ARHGAP42: variants seen among roughly 807,000 people sequenced by gnomAD.
The protein encoded by ARHGAP42 is Rho GTPase activating protein 42.
ARHGAP42 carries 63 observed loss-of-function variants against 125.0 expected under a neutral mutation model. The ratio of observed to expected loss-of-function variants is 0.50; its 90% CI spans 0.41 to 0.62. ARHGAP42 has a LOEUF of 0.62. Among genes scored for constraint, ARHGAP42 ranks in the 20% least tolerant of loss-of-function variants. ARHGAP42 has a pLI of 0.00. For missense variants in ARHGAP42, 766 were observed against 1,024.2 expected, an observed-to-expected ratio of 0.75 and a Z score of 3.44; for synonymous variants, 339 against 351.0, an observed-to-expected ratio of 0.97 and a Z score of 0.38.
chr11:100,988,689 C>CTATT (rs200839662), intron 23 of ARHGAP42, 24 bp from the exon 24 acceptor site: 119 of 1,502,012 alleles, frequency 7.9e-5, no homozygotes, highest in Non-Finnish European at 1.0e-4. Context: ...TGACTGAGTG[C>CTATT]TATTTATTTA....
chr11:100,899,200 T>A (rs977163249), intron 4 of ARHGAP42, among the ~76,000 whole-genome samples: 3 of 152,266 alleles, frequency 2.0e-5, no homozygotes, highest in Non-Finnish European at 4.4e-5. Context: ...CACTGTGGTC[T>A]GAGAGACAGT....
At chr11:100,978,891 T>A (rs1591336962) in intron 21 of ARHGAP42, 96 bp from the exon 22 acceptor site, 2 of 1,291,470 alleles carry the variant, frequency 1.5e-6, no homozygotes, top group East Asian at 5.1e-5. Context: ...TTCTCAACCA[T>A]TTTTTGTCTT....
chr11:100,695,413 C>T (rs1053390580), intron 1 of ARHGAP42, among the ~76,000 whole-genome samples: 1 of 152,160 alleles, frequency 6.6e-6, no homozygotes, highest in African/African-American at 2.4e-5. Flanking sequence ...AAGCTATTCT[C>T]CTGCCTCAGC....
At chr11:100,727,271 T>C (rs1485517271) in intron 1 of ARHGAP42, among the ~76,000 whole-genome samples, 5 of 152,198 alleles carry the variant, frequency 3.3e-5, no homozygotes, top group Admixed American at 1.3e-4. Flanking sequence ...ATAATTTAAA[T>C]ATATATATGG....
At chr11:100,799,237 C>T (rs987357818) in intron 3 of ARHGAP42, among the ~76,000 whole-genome samples, 1 of 152,138 alleles carries the variant, frequency 6.6e-6, no homozygotes, top group African/African-American at 2.4e-5. Context: ...AATGTTCTGG[C>T]TGGTGGTGGG....
chr11:100,795,612 G>C (rs1438921631), intron 3 of ARHGAP42, among the ~76,000 whole-genome samples: 2 of 152,156 alleles, frequency 1.3e-5, no homozygotes, highest in Admixed American at 1.3e-4. Context: ...GGAGAATTTT[G>C]CTAGGCTGGG....
chr11:100,965,619 C>G, intron 16 of ARHGAP42, 52 bp from the exon 17 acceptor site: 1 of 1,405,780 alleles, frequency 7.1e-7, no homozygotes, highest in Non-Finnish European at 9.8e-7. Flanking sequence ...GTTTACATAC[C>G]CAATTGAATG....
intron 5 of ARHGAP42, among the ~76,000 whole-genome samples, chr11:100,915,883 A>T (rs1359941602): frequency 6.6e-6 from 1 of 152,154 alleles, no homozygotes; most frequent in Non-Finnish European, 1.5e-5. Context: ...TCTAGGAATC[A>T]GACCTGTTGT....
chr11:100,986,182 A>ACTAAC, intron 22 of ARHGAP42: 1 of 443,430 alleles, frequency 2.3e-6, no homozygotes, highest in South Asian at 1.6e-5. Flanking sequence ...AATACCAGAT[A>ACTAAC]CTAACACCAT....
intron 1 of ARHGAP42, among the ~76,000 whole-genome samples, chr11:100,698,805 A>C (rs1020369377): frequency 3.9e-5 from 6 of 152,210 alleles, no homozygotes; most frequent in African/African-American, 1.4e-4. Flanking sequence ...TGCCTTTTTT[A>C]GAGGCACACT....
intron 14 of ARHGAP42, among the ~76,000 whole-genome samples, 182 bp from the exon 15 acceptor site, chr11:100,961,502 T>C (rs1163823008): frequency 6.6e-6 from 1 of 152,174 alleles, no homozygotes; most frequent in Admixed American, 6.6e-5. Context: ...AGATATATCT[T>C]TGAGGTTTAG....
chr11:100,834,391 C>G (rs1399158817), intron 3 of ARHGAP42, among the ~76,000 whole-genome samples: 2 of 152,044 alleles, frequency 1.3e-5, no homozygotes, highest in Non-Finnish European at 2.9e-5. Flanking sequence ...TCCTTTTGAT[C>G]CATGCAGTGT....
intron 10 of ARHGAP42, 149 bp from the exon 11 acceptor site, chr11:100,948,308 T>A: frequency 1.6e-6 from 1 of 623,494 alleles, no homozygotes; most frequent in Non-Finnish European, 2.7e-6. Flanking sequence ...TCAGTCTTTT[T>A]CTTTTTTAGA....
chr11:100,858,164 G>T lies in ARHGAP42; in HGVS notation c.313-1390G>T, dbSNP rs1053098657. ...TTTTAATGAGGGCATAGAGGTTTTA[G>T]AGAGAGAATTAAAAGTGAGCTATTT... On this transcript the variant is annotated intron_variant, in intron 3 of 23. Transcript: ENST00000298815. Among the ~76,000 whole-genome samples the T allele has an allele frequency of 2.0e-5, 3 of 150,676 alleles. No individual in the cohort carries two copies. The East Asian group carries it at 5.9e-4, about 29-fold the overall frequency.
In ARHGAP42 at chr11:100,795,101, A is replaced by G; in HGVS notation, c.251-4A>G. The G allele has an allele frequency of 1.9e-6, 3 of 1,540,444 alleles. No individual in the cohort carries two copies. The highest frequency in any genetic ancestry group is 2.6e-6 in the Non-Finnish European group (3 of 1,142,676). ...TCTTTGCATTTTTTTATCTTTCCAA[A>G]CAGCTCAGTCACTAAAAGAATTTGC... On this transcript the variant is annotated splice_region_variant and splice_polypyrimidine_tract_variant and intron_variant, in intron 2 of 23. Coordinates refer to ENST00000298815, the MANE Select transcript of ARHGAP42 (RefSeq NM_152432.4).
chr11:100,803,787 T>A (rs1428031360), intron 3 of ARHGAP42, among the ~76,000 whole-genome samples: 1 of 152,186 alleles, frequency 6.6e-6, no homozygotes, highest in Non-Finnish European at 1.5e-5. Flanking sequence ...CAATGTAGAT[T>A]TTTTTTCTTG....
intron 3 of ARHGAP42, among the ~76,000 whole-genome samples, chr11:100,858,478 T>TCCC (rs1865375980): frequency 6.6e-6 from 1 of 152,080 alleles, no homozygotes; most frequent in Non-Finnish European, 1.5e-5. Context: ...TTTTTGTATA[T>TCCC]TATCTGTGTG....
At position 100,793,186 on chromosome 11, in the gene ARHGAP42, A is replaced by C. The variant is rs1215932169; in HGVS notation, c.251-1919A>C. On this transcript the variant is annotated intron_variant, in intron 2 of 23. Coordinates refer to ENST00000298815, the MANE Select transcript of ARHGAP42 (RefSeq NM_152432.4). The stretch of plus-strand genomic sequence containing the variant: ...ATCCAGAGTTTTGTTGACTTCTTCA[A>C]ACTCACCAACCAACAGCTTCAGTGG... 2.6e-5 allele frequency among the ~76,000 whole-genome samples: 4 copies of C among 152,208 alleles called. No homozygotes were observed. The East Asian group carries it at 7.7e-4, about 29-fold the overall frequency.
chr11:100,868,818 T>C (rs1184966834), intron 4 of ARHGAP42, among the ~76,000 whole-genome samples: 3 of 152,114 alleles, frequency 2.0e-5, no homozygotes, highest in Non-Finnish European at 4.4e-5. Context: ...ATATGAAAAA[T>C]GGAGAAAATA....
Sources: allele counts gnomAD v4.1 joint callset (sites outside exome capture counted in the v4.1 genomes callset), GRCh38; gene constraint gnomAD v4.1.1; transcripts MANE v1.5; gene names NCBI Gene and HGNC (gene_info 2026-07-23, HGNC 2026-07-21).